PDZRN3: variants seen among roughly 807,000 people sequenced by gnomAD.
PDZRN3 encodes E3 ubiquitin-protein ligase PDZRN3.
PDZRN3 carries 38 observed loss-of-function variants against 85.7 expected under a neutral mutation model. The observed-to-expected ratio is 0.44, with a 90% CI of 0.34 to 0.58. The LOEUF (loss-of-function observed/expected upper bound fraction) is 0.58, where lower values mean the gene tolerates loss of function less well. Among genes scored for constraint, PDZRN3 ranks in the 20% least tolerant of loss-of-function variants. The pLI is 0.01. For synonymous variants in PDZRN3, 759 were observed against 638.0 expected (o/e 1.19, Z -2.86); for missense variants, 1,629 against 1,506.4 (o/e 1.08, Z -1.35).
chr3:73,610,735 T>C (rs1466294608), intron 1 of PDZRN3, among the ~76,000 whole-genome samples: 7 of 152,212 alleles, frequency 4.6e-5, no homozygotes. Flanking sequence ...CAATCTCAAG[T>C]GATGCACAAA....
intron 3 of PDZRN3, among the ~76,000 whole-genome samples, chr3:73,573,972 G>A (rs549371695): frequency 6.6e-6 from 1 of 152,244 alleles, no homozygotes; most frequent in South Asian, 2.1e-4. Flanking sequence ...AGTTTGCCTT[G>A]CCATATATGC....
At position 73,384,731 on chromosome 3, in the gene PDZRN3, G is replaced by A. The variant is rs1701322274; in HGVS notation, c.1835C>T (p.Thr612Ile). 1.2e-6 allele frequency: 2 copies of A among 1,614,064 alleles called. No individual in the cohort carries two copies. The highest frequency in any genetic ancestry group is 1.3e-5 in the African/African-American group (1 of 75,078). ...GQRKLTCSQD[T>I]LGSGDLPFSN... ...GAAGGGCAGGTCGCCGCTGCCCAAG[G>A]TGTCCTGGCTGCAGGTGAGCTTCCT... The change falls in exon 10 of 10, where the codon ACC becomes ATC. Residue 612 changes from threonine to isoleucine, a missense_variant. By Grantham distance (89) the Thr-to-Ile change is moderately conservative. Coordinates refer to ENST00000263666, the MANE Select transcript of PDZRN3 (RefSeq NM_015009.3).
intron 3 of PDZRN3, among the ~76,000 whole-genome samples, chr3:73,439,563 G>A (rs914527121): frequency 6.6e-6 from 1 of 152,138 alleles, no homozygotes; most frequent in Non-Finnish European, 1.5e-5. Flanking sequence ...CAAGGAGTAA[G>A]ACGTGGATGA....
intron 3 of PDZRN3, among the ~76,000 whole-genome samples, chr3:73,478,857 G>A (rs1703508449): frequency 6.6e-6 from 1 of 152,210 alleles, no homozygotes; most frequent in African/African-American, 2.4e-5. Context: ...AGATTAAAAT[G>A]GGGCTAAAAG....
rs143692484 is a variant in PDZRN3 at position 73,606,013 on chromosome 3, C to T, written c.810+2585G>A. ...CCAGTGGGGTTGGAATGTCATTTTG[C>T]ACCTGGTGAGTGTGGAAACTGAACA... On this transcript the variant is annotated intron_variant, in intron 2 of 9. Transcript: ENST00000263666. Among the ~76,000 whole-genome samples, 99 of 152,342 alleles carry T rather than the reference C, an allele frequency of 6.5e-4. 2 individuals are homozygous for T. The highest frequency in any genetic ancestry group is 2.3e-3 in the African/African-American group (95 of 41,574).
rs181796740 is a variant in PDZRN3, at chr3:73,455,970, G to A, written c.919-51575C>T. 5.2e-4 allele frequency among the ~76,000 whole-genome samples: 79 copies of A among 152,292 alleles called. 1 individual carries two copies. The East Asian group carries it at 0.015, about 29-fold the overall frequency. Reference sequence around the variant, plus strand: ...TTAGTTAATTACAGAACCAGCAGAGGGAGCACAAACCCTGCATAAATAATA... The same window carrying A: ...TTAGTTAATTACAGAACCAGCAGAGAGAGCACAAACCCTGCATAAATAATA... On this transcript the variant is annotated intron_variant, in intron 3 of 9. Transcript: ENST00000263666.
Position 73,511,592 on chromosome 3 carries a change from A to C in PDZRN3, c.918+90762T>G, listed in dbSNP as rs550985495. On this transcript the variant is annotated intron_variant, in intron 3 of 9. Transcript: ENST00000263666. Reference sequence around the variant, plus strand: ...CTACAATCCCAACCCGGAGCCAATGAGGGGAACAGATCTGGGGATGGAGGC... The same window carrying C: ...CTACAATCCCAACCCGGAGCCAATGCGGGGAACAGATCTGGGGATGGAGGC... 1.2e-4 allele frequency among the ~76,000 whole-genome samples: 19 copies of C among 152,314 alleles called. No individual in the cohort carries two copies. The East Asian group carries it at 2.3e-3, about 19-fold the overall frequency.
intron 3 of PDZRN3, among the ~76,000 whole-genome samples, chr3:73,504,913 A>T (rs1360035965): frequency 6.6e-6 from 1 of 152,236 alleles, no homozygotes; most frequent in East Asian, 1.9e-4. Context: ...CTTCCTGGGA[A>T]ATTCTCTCCA....
chr3:73,399,071 T>C (rs1035073900), intron 5 of PDZRN3, among the ~76,000 whole-genome samples: 1 of 152,050 alleles, frequency 6.6e-6, no homozygotes, highest in African/African-American at 2.4e-5. Context: ...CAGGAGCATT[T>C]TTCCAGAGCG....
chr3:73,489,570 C>CTTTTCTTTTTT (rs1553694884), intron 3 of PDZRN3, among the ~76,000 whole-genome samples: 2 of 17,184 alleles, frequency 1.2e-4, no homozygotes, highest in East Asian at 1.8e-3. Flanking sequence ...TGGGCAGTTT[C>CTTTTCTTTTTT]TTTTCTTTTT....
chr3:73,473,884 G>C (rs551506411), intron 3 of PDZRN3, among the ~76,000 whole-genome samples: 1 of 152,150 alleles, frequency 6.6e-6, no homozygotes, highest in African/African-American at 2.4e-5. Flanking sequence ...AGAACCACTC[G>C]GGTGAGCCAC....
intron 3 of PDZRN3, among the ~76,000 whole-genome samples, chr3:73,441,544 T>C (rs1248397869): frequency 6.6e-6 from 1 of 152,144 alleles, no homozygotes; most frequent in Non-Finnish European, 1.5e-5. Context: ...AAGAGTTCTT[T>C]GACACTTGGT....
chr3:73,445,564 A>G (rs1412130668), intron 3 of PDZRN3, among the ~76,000 whole-genome samples: 2 of 152,248 alleles, frequency 1.3e-5, no homozygotes, highest in East Asian at 3.8e-4. Context: ...TCCTAGATTT[A>G]CTTTCTCTAT....
At chr3:73,492,367 G>A (rs1185135044) in intron 3 of PDZRN3, among the ~76,000 whole-genome samples, 1 of 152,104 alleles carries the variant, frequency 6.6e-6, no homozygotes, top group Non-Finnish European at 1.5e-5. Context: ...AGCTCGCTAC[G>A]GTCCCTGGTC....
chr3:73,404,030 A>G (rs762653222), intron 4 of PDZRN3, 118 bp downstream of exon 4: 15 of 959,630 alleles, frequency 1.6e-5, no homozygotes, highest in Non-Finnish European at 2.0e-5. Context: ...AAAGTTAAAC[A>G]TGGGCAACTT....
intron 3 of PDZRN3, among the ~76,000 whole-genome samples, chr3:73,495,296 G>A (rs953264939): frequency 1.8e-4 from 4 of 21,986 alleles, no homozygotes; most frequent in African/African-American, 3.0e-4. Context: ...AATATATTTT[G>A]CTTGTAAAAA....
intron 3 of PDZRN3, among the ~76,000 whole-genome samples, chr3:73,541,139 A>G (rs1704911962): frequency 6.6e-6 from 1 of 152,234 alleles, no homozygotes; most frequent in Non-Finnish European, 1.5e-5. Context: ...AACCTCCATT[A>G]AAATATGCTC....
intron 1 of PDZRN3, among the ~76,000 whole-genome samples, chr3:73,620,731 C>A (rs967407727): frequency 2.6e-5 from 4 of 152,082 alleles, no homozygotes; most frequent in Admixed American, 1.3e-4. Context: ...TGCCCGCCAC[C>A]GCGCCCAGCT....
intron 3 of PDZRN3, among the ~76,000 whole-genome samples, chr3:73,415,452 A>G (rs1702058900): frequency 6.6e-6 from 1 of 152,004 alleles, no homozygotes; most frequent in African/African-American, 2.4e-5. Context: ...AAATATTTTT[A>G]TTTTCTATTG....
Sources: allele counts gnomAD v4.1 joint callset (sites outside exome capture counted in the v4.1 genomes callset), GRCh38; gene constraint gnomAD v4.1.1; transcripts MANE v1.5; gene names NCBI Gene and HGNC (gene_info 2026-07-23, HGNC 2026-07-21).